The following PRKAG2 variants were observed in gnomAD, a reference collection of about 807,000 sequenced individuals.
PRKAG2 encodes the protein protein kinase AMP-activated non-catalytic subunit gamma 2.
A neutral mutation model predicts 69.6 loss-of-function variants in PRKAG2; 26 were observed. That is an observed-to-expected ratio of 0.37 (90% confidence interval 0.27 to 0.52). PRKAG2 has a LOEUF of 0.52. Ranked by LOEUF, PRKAG2 falls within the 20% of genes least tolerant of loss-of-function variation. PRKAG2 has a pLI of 0.90. For synonymous variants in PRKAG2, 293 were observed against 285.0 expected, an observed-to-expected ratio of 1.03 and a Z score of -0.28; for missense variants, 557 against 740.0, an observed-to-expected ratio of 0.75 and a Z score of 2.87.
rs192801147 is a variant in PRKAG2, at chr7:151,567,521, C to G, written c.1233+1195G>C. Among the ~76,000 whole-genome samples, 60 of 152,172 alleles carry G rather than the reference C, an allele frequency of 3.9e-4. No individual in the cohort carries two copies. Among genetic ancestry groups the G allele is most frequent in the African/African-American group, 1.1e-3 (47 of 41,526 alleles). Reference sequence around the variant, plus strand: ...ACGTGGGGGCCCTGAATACATCCTTCCCACCCCATGCTCCCTCTGTTCCTA... The same window carrying G: ...ACGTGGGGGCCCTGAATACATCCTTGCCACCCCATGCTCCCTCTGTTCCTA... On this transcript the variant is annotated intron_variant, in intron 11 of 15. Transcript: ENST00000287878. This position sits in a 1 kb window ranked among gnomAD's most constrained non-coding sequence, Gnocchi z 4.2.
Position 151,721,965 on chromosome 7 carries a change from C to A in PRKAG2, c.467-46328G>T, listed in dbSNP as rs144573782. ...AAGGCCACCTCCTCCATGCAGCCCA[C>A]CCTGACTACTCCTTCCCACACAATC... On this transcript the variant is annotated intron_variant, in intron 3 of 15. Transcript: ENST00000287878. 7.8e-4 allele frequency among the ~76,000 whole-genome samples: 119 copies of A among 152,280 alleles called. 1 individual carries two copies. The highest frequency in any genetic ancestry group is 2.7e-3 in the African/African-American group (114 of 41,568).
intron 1 of PRKAG2, among the ~76,000 whole-genome samples, chr7:151,845,448 G>A (rs1250090449): frequency 8.9e-6 from 1 of 111,888 alleles, no homozygotes; most frequent in African/African-American, 3.6e-5. Context: ...CAGACCTACT[G>A]AACGGAAAAC....
At chr7:151,757,983 C>T (rs780137066) in intron 3 of PRKAG2, among the ~76,000 whole-genome samples, 8 of 152,224 alleles carry the variant, frequency 5.3e-5, no homozygotes, top group Non-Finnish European at 8.8e-5. Flanking sequence ...CCTGCGGCTC[C>T]GCTTTACCAT....
At chr7:151,708,190 C>T (rs1436542207) in intron 3 of PRKAG2, among the ~76,000 whole-genome samples, 1 of 152,206 alleles carries the variant, frequency 6.6e-6, no homozygotes, top group Admixed American at 6.5e-5. Flanking sequence ...TGCTTCTTAC[C>T]CTAAACTCTC....
chr7:151,631,108 C>T (rs1254181605), intron 5 of PRKAG2, among the ~76,000 whole-genome samples: 1 of 152,198 alleles, frequency 6.6e-6, no homozygotes, highest in Non-Finnish European at 1.5e-5. Context: ...AAAGTTGGCA[C>T]AAGGGACAGC....
intron 1 of PRKAG2, among the ~76,000 whole-genome samples, chr7:151,873,909 A>G (rs1041578153): frequency 6.6e-6 from 1 of 152,050 alleles, no homozygotes; most frequent in Non-Finnish European, 1.5e-5. Flanking sequence ...GGACAATGGC[A>G]TGTTCTTGTT....
intron 3 of PRKAG2, among the ~76,000 whole-genome samples, chr7:151,718,925 G>C (rs1796605523): frequency 6.6e-6 from 1 of 152,148 alleles, no homozygotes; most frequent in African/African-American, 2.4e-5. Flanking sequence ...CTAAAGGGCT[G>C]CCTGTTTCCC....
chr7:151,566,750 C>T (rs1223504211), intron 11 of PRKAG2: 7 of 312,042 alleles, frequency 2.2e-5, no homozygotes, highest in Admixed American at 7.7e-5. Context: ...TCATCTAGTC[C>T]ATCTCAACAT....
rs554724937 is a variant in PRKAG2, at chr7:151,703,551, AGT to A, written c.467-27916_467-27915del. On this transcript the variant is annotated intron_variant, in intron 3 of 15. Coordinates refer to ENST00000287878, the MANE Select transcript of PRKAG2 (RefSeq NM_016203.4). Reference sequence around the variant, plus strand: ...AATATAGAAAAGTGCACACATTGAGAGTGTACAGCTTGACAAATTTGCACAAA... The same window carrying A: ...AATATAGAAAAGTGCACACATTGAGAGTACAGCTTGACAAATTTGCACAAA... 6.6e-5 allele frequency among the ~76,000 whole-genome samples: 10 copies of A among 152,264 alleles called. No individual in the cohort carries two copies. The East Asian group carries it at 1.9e-3, about 29-fold the overall frequency.
At chr7:151,615,111 G>A (rs1236853934) in intron 5 of PRKAG2, among the ~76,000 whole-genome samples, 3 of 152,230 alleles carry the variant, frequency 2.0e-5, no homozygotes, top group Non-Finnish European at 4.4e-5. Flanking sequence ...CAGATCCAGA[G>A]AGAACCCCGA....
intron 7 of PRKAG2, among the ~76,000 whole-genome samples, chr7:151,575,833 A>G (rs945005109): frequency 1.3e-5 from 2 of 151,176 alleles, no homozygotes; most frequent in Non-Finnish European, 2.9e-5. Context: ...AAGAAATTCA[A>G]CAACAACAAC....
chr7:151,731,092 C>T (rs1252725573), intron 3 of PRKAG2, among the ~76,000 whole-genome samples: 6 of 152,202 alleles, frequency 3.9e-5, no homozygotes, highest in East Asian at 1.9e-4. Context: ...AGGGTGAAAG[C>T]GCTACTACAG....
At chr7:151,629,499 G>A (rs1305024656) in intron 5 of PRKAG2, among the ~76,000 whole-genome samples, 4 of 152,116 alleles carry the variant, frequency 2.6e-5, no homozygotes, top group Non-Finnish European at 5.9e-5. Flanking sequence ...AAACCCACCC[G>A]TACCATGTCC....
chr7:151,620,149 T>C (rs1323609641), intron 5 of PRKAG2, among the ~76,000 whole-genome samples: 4 of 152,362 alleles, frequency 2.6e-5, no homozygotes, highest in Middle Eastern at 6.8e-3. Context: ...CCGCTGGCTG[T>C]CATGAGGTAT....
intron 3 of PRKAG2, among the ~76,000 whole-genome samples, chr7:151,765,245 G>T (rs1197442309): frequency 6.6e-6 from 1 of 152,228 alleles, no homozygotes; most frequent in Non-Finnish European, 1.5e-5. Flanking sequence ...AATCATGGCA[G>T]AAGGTGAAGA....
rs1241699339 is a variant in PRKAG2, at chr7:151,773,178, G to C, written c.466+7974C>G. On this transcript the variant is annotated intron_variant, in intron 3 of 15. Coordinates refer to ENST00000287878, the MANE Select transcript of PRKAG2 (RefSeq NM_016203.4). ...GAAGGAAGGGAAGCAAGGAAGGAAG[G>C]AAGGAAGGAAAGAAAGAAGGAAAGA... Among the ~76,000 whole-genome samples, 12 of 147,608 alleles carry C rather than the reference G, an allele frequency of 8.1e-5. No individual in the cohort carries two copies. In the East Asian group the frequency reaches 2.0e-3, roughly 24 times the overall value.
At chr7:151,650,506 T>C (rs1828312396) in intron 4 of PRKAG2, among the ~76,000 whole-genome samples, 1 of 152,172 alleles carries the variant, frequency 6.6e-6, no homozygotes, top group Non-Finnish European at 1.5e-5. Flanking sequence ...ATGACAGTAA[T>C]GCTTGACAAC....
At chr7:151,673,510 C>G (rs1294144445) in intron 4 of PRKAG2, among the ~76,000 whole-genome samples, 1 of 152,146 alleles carries the variant, frequency 6.6e-6, no homozygotes, top group Non-Finnish European at 1.5e-5. Context: ...TGCCCCAGTA[C>G]TGTTCAGTTC....
intron 1 of PRKAG2, among the ~76,000 whole-genome samples, chr7:151,808,779 G>A (rs540730458): frequency 3.9e-5 from 6 of 152,094 alleles, no homozygotes; most frequent in Admixed American, 2.0e-4. Flanking sequence ...AGATGGCTGC[G>A]CGGCCTGAGG....
Sources: allele counts gnomAD v4.1 joint callset (sites outside exome capture counted in the v4.1 genomes callset), GRCh38; gene constraint gnomAD v4.1.1; non-coding constraint Gnocchi (gnomAD v3.1); transcripts MANE v1.5; gene names NCBI Gene and HGNC (gene_info 2026-07-23, HGNC 2026-07-21).